The following CCDC80 variants were observed in gnomAD, a reference collection of about 807,000 sequenced individuals.
CCDC80 encodes coiled-coil domain-containing protein 80.
A neutral mutation model predicts 78.7 loss-of-function variants in CCDC80; 49 were observed. The ratio of observed to expected loss-of-function variants is 0.62; its 90% CI spans 0.50 to 0.79. CCDC80 has a LOEUF of 0.79. Ranked by LOEUF, CCDC80 falls within the 30% of genes least tolerant of loss-of-function variation. The pLI is 0.00. For synonymous variants in CCDC80, 488 were observed against 447.0 expected, an observed-to-expected ratio of 1.09 and a Z score of -1.16; for missense variants, 1,205 against 1,198.6, an observed-to-expected ratio of 1.01 and a Z score of -0.08.
At chr3:112,620,225 T>C (rs566293134) in intron 3 of CCDC80, among the ~76,000 whole-genome samples, 2 of 152,332 alleles carry the variant, frequency 1.3e-5, no homozygotes, top group South Asian at 4.1e-4. Flanking sequence ...TTGATTAGGA[T>C]TGCTGAAAGT....
intron 5 of CCDC80, among the ~76,000 whole-genome samples, chr3:112,616,432 GAGAAAAAAAAAGAAA>G (rs1354978081): frequency 2.2e-5 from 1 of 45,520 alleles, no homozygotes; most frequent in Admixed American, 2.2e-4. Context: ...ACCAAAGAAA[GAGAAAAAAAAAGAAA>G]AGAAAAAAAA....
chr3:112,627,385 A>G (rs1230251663), intron 3 of CCDC80, among the ~76,000 whole-genome samples: 2 of 152,232 alleles, frequency 1.3e-5, no homozygotes, highest in Non-Finnish European at 2.9e-5. Flanking sequence ...CTTTATTTAC[A>G]TGAAAGCCTA....
intron 1 of CCDC80, 129 bp downstream of exon 1, chr3:112,640,198 T>C (rs1334147810): frequency 2.7e-6 from 1 of 373,556 alleles, no homozygotes; most frequent in African/African-American, 2.1e-5. Flanking sequence ...TTTCAACTAA[T>C]GCTCTGGATG....
At chr3:112,620,329 A>C (rs1298611734) in intron 3 of CCDC80, among the ~76,000 whole-genome samples, 1 of 152,242 alleles carries the variant, frequency 6.6e-6, no homozygotes, top group Non-Finnish European at 1.5e-5. Context: ...ACAGTGCTTC[A>C]TGGAGGTGGT....
At chr3:112,633,065 C>T (rs976945130) in intron 2 of CCDC80, among the ~76,000 whole-genome samples, 2 of 152,210 alleles carry the variant, frequency 1.3e-5, no homozygotes, top group Non-Finnish European at 2.9e-5. Flanking sequence ...TCTTCTGAAG[C>T]TCAGCATTGT....
At chr3:112,637,774 C>T (rs1936235172) in intron 2 of CCDC80, among the ~76,000 whole-genome samples, 1 of 152,136 alleles carries the variant, frequency 6.6e-6, no homozygotes, top group African/African-American at 2.4e-5. Context: ...CTCCTGGGCT[C>T]ATGTGTAGGG....
intron 2 of CCDC80, among the ~76,000 whole-genome samples, chr3:112,630,992 C>A (rs1242101094): frequency 4.6e-5 from 7 of 151,868 alleles, no homozygotes; most frequent in Non-Finnish European, 1.5e-5. Context: ...TCATCCTCAT[C>A]CTATGACCCC....
Position 112,602,513 on chromosome 3 carries a change from T to C in CCDC80, c.*2904A>G, listed in dbSNP as rs938704357. The C allele has an allele frequency of 6.6e-6, 1 of 152,242 alleles. No homozygotes were observed. The highest frequency in any genetic ancestry group is 1.5e-5 in the Non-Finnish European group (1 of 68,038). The allele number at this position is 152,242 out of a possible 1,614,324, so 9.4% of individuals were successfully genotyped here. A position where few individuals can be genotyped will look rare whatever the true frequency, so the allele number is the denominator to read the frequency against. On this transcript the variant is annotated 3_prime_UTR_variant, in exon 8 of 8. Transcript: ENST00000206423. ...AGTTGTAAATGCAAAGGAAAAGTTC[T>C]TGAAGGAAATTAAAAGTGCTACTTT...
Position 112,639,313 on chromosome 3 carries a change from C to T in CCDC80, c.593G>A (p.Gly198Asp). Residue 198 changes from glycine (G) to aspartate (D), a missense_variant, in exon 2 of 8, where the codon GGC becomes GAC. Transcript: ENST00000206423. ...CTCGCTGGTGATCCTTCTCACCTTG[C>T]CTCCTTCCTCACCTGCCTGGTGGAA... ...VLFHQAGEEG[G>D]KVRRITSEGQ... 6.2e-7 allele frequency: 1 copy of T among 1,614,164 alleles called. No homozygotes were observed. The highest frequency in any genetic ancestry group is 8.5e-7 in the Non-Finnish European group (1 of 1,180,024).
rs1935317313 is a variant in CCDC80, at chr3:112,598,298, C to G, written c.*7119G>C. On this transcript the variant is annotated 3_prime_UTR_variant, in exon 8 of 8. Coordinates refer to ENST00000206423, the MANE Select transcript of CCDC80 (RefSeq NM_199511.3). ...TCCAGAAATGGTTTCCCAAGGTGTT[C>G]CCTACCTCTCTTTTTCTTGGATATC... 6.6e-6 allele frequency: 1 copy of G among 152,206 alleles called. No homozygotes were observed. The highest frequency in any genetic ancestry group is 1.5e-5 in the Non-Finnish European group (1 of 68,050). The allele number at this position is 152,206 out of a possible 1,614,324, so 9.4% of individuals were successfully genotyped here.
rs532656677 is a variant in CCDC80, at chr3:112,640,641, C to T, written c.-326G>A. 2.0e-4 allele frequency: 30 copies of T among 152,476 alleles called. No individual in the cohort carries two copies. Among genetic ancestry groups the T allele is most frequent in the African/African-American group, 7.2e-4 (30 of 41,552 alleles). 9.4% of individuals were successfully genotyped at this position (152,476 alleles called of 1,614,324 possible). A position where few individuals can be genotyped will look rare whatever the true frequency, so the allele number is the denominator to read the frequency against. The stretch of plus-strand genomic sequence containing the variant: ...TCTCCATTTGTCTGCAGTTTCTCCT[C>T]GGTCTCGTGTGTCTGTGTGTGCCAG... On this transcript the variant is annotated 5_prime_UTR_variant, in exon 1 of 8. Transcript: ENST00000206423.
intron 3 of CCDC80, among the ~76,000 whole-genome samples, chr3:112,628,242 T>C (rs939601155): frequency 6.6e-6 from 1 of 152,216 alleles, no homozygotes; most frequent in Admixed American, 6.5e-5. Flanking sequence ...AATGGTTGAA[T>C]CCTAGTTAGC....
At position 112,598,842 on chromosome 3, in the gene CCDC80, G is replaced by A. The variant is rs2107462896; in HGVS notation, c.*6575C>T. On this transcript the variant is annotated 3_prime_UTR_variant, in exon 8 of 8. Transcript: ENST00000206423. Reference sequence around the variant, plus strand: ...GTCTGGCTGTAAGGAGATGATGAGGGGTTCTGTGTGTTGGAGGTGATGACC... The same window carrying A: ...GTCTGGCTGTAAGGAGATGATGAGGAGTTCTGTGTGTTGGAGGTGATGACC... 1 of 152,402 alleles carries A rather than the reference G, an allele frequency of 6.6e-6. No homozygotes were observed. The highest frequency in any genetic ancestry group is 6.5e-5 in the Admixed American group (1 of 15,298). 9.4% of individuals were successfully genotyped at this position (152,402 alleles called of 1,614,324 possible). A position where few individuals can be genotyped will look rare whatever the true frequency, so the allele number is the denominator to read the frequency against.
chr3:112,637,324 CTT>C (rs1013133968), intron 2 of CCDC80, among the ~76,000 whole-genome samples: 15 of 152,294 alleles, frequency 9.8e-5, no homozygotes, highest in Middle Eastern at 3.4e-3. Flanking sequence ...ACATTCCACT[CTT>C]TGGCTCTTCC....
rs879640605 is a variant in CCDC80 at position 112,604,684 on chromosome 3, T to C, written c.*733A>G. ...AAGTGTGAGGGGTCAAGAATTTTCA[T>C]GCCAGAAATTCCATAGCAGCCTACT... On this transcript the variant is annotated 3_prime_UTR_variant, in exon 8 of 8. Coordinates refer to ENST00000206423, the MANE Select transcript of CCDC80 (RefSeq NM_199511.3). The C allele has an allele frequency of 3.3e-5, 5 of 152,386 alleles. No homozygotes were observed. The East Asian group carries it at 7.7e-4, about 23-fold the overall frequency. The allele number at this position is 152,386 out of a possible 1,614,324, so 9.4% of individuals were successfully genotyped here.
chr3:112,619,014 T>G lies in CCDC80; in HGVS notation c.2126A>C (p.Tyr709Ser). The change falls in exon 4 of 8, where the codon TAC becomes TCC. Residue 709 changes from tyrosine (Y) to serine (S), a missense_variant. Tyr to Ser is a moderately radical substitution (Grantham distance 144). Transcript: ENST00000206423. ...TGTTAGCACCATGAAGAAGTCATTG[T>G]AGGTCATTCCGTACTCTTTCCTCAG... ...SELRKEYGMT[Y>S]NDFFMVLTDV... 1 of 1,613,750 alleles carries G rather than the reference T, an allele frequency of 6.2e-7. No individual in the cohort carries two copies. The highest frequency in any genetic ancestry group is 1.1e-5 in the South Asian group (1 of 90,956).
At chr3:112,609,900 A>AG in intron 6 of CCDC80, 78 bp downstream of exon 6, 1 of 994,714 alleles carries the variant, frequency 1.0e-6, no homozygotes, top group South Asian at 1.5e-5. Context: ...GAATGATCTA[A>AG]GGTTCTATGT....
At chr3:112,607,442 A>G (rs1195113801) in intron 6 of CCDC80, among the ~76,000 whole-genome samples, 186 bp from the exon 7 acceptor site, 1 of 152,222 alleles carries the variant, frequency 6.6e-6, no homozygotes, top group Admixed American at 6.5e-5. Context: ...CAAAACCTCA[A>G]AGAAGATGAA....
At chr3:112,607,996 A>C (rs777879592) in intron 6 of CCDC80, among the ~76,000 whole-genome samples, 5 of 152,214 alleles carry the variant, frequency 3.3e-5, no homozygotes, top group Non-Finnish European at 4.4e-5. Context: ...TTTTATCACT[A>C]ATTTAGAGGA....
Sources: gnomAD v4.1 joint callset for allele counts (sites outside exome capture counted in the v4.1 genomes callset) on GRCh38, gnomAD v4.1.1 for gene constraint, MANE v1.5 for transcripts, NCBI Gene and HGNC (gene_info 2026-07-23, HGNC 2026-07-21) for gene names.